EXOC4: variants seen among roughly 807,000 people sequenced by gnomAD.
The protein encoded by EXOC4 is SEC8-like 1.
EXOC4 carries 71 observed loss-of-function variants against 107.2 expected under a neutral mutation model. That is an observed-to-expected ratio of 0.66 (90% CI 0.55 to 0.81). EXOC4 has a LOEUF of 0.81. EXOC4 is among the 30% of genes least tolerant of loss of function. The pLI is 0.00. For missense variants in EXOC4, 1,108 were observed against 1,189.6 expected (o/e 0.93, Z 1.01); for synonymous variants, 456 against 441.2 (o/e 1.03, Z -0.42).
chr7:133,710,659 CAGAAA>C (rs1794871238), intron 10 of EXOC4, among the ~76,000 whole-genome samples: 2 of 32,304 alleles, frequency 6.2e-5, no homozygotes, highest in Non-Finnish European at 7.1e-5. Flanking sequence ...GACTCTGTCT[CAGAAA>C]AAAAAAAAAA....
At position 134,064,397 on chromosome 7, in the gene EXOC4, C is replaced by A; in HGVS notation, c.2794C>A (p.Leu932Met). 1 of 1,606,052 alleles carries A rather than the reference C, an allele frequency of 6.2e-7. No individual in the cohort carries two copies. ...GGAGTACATCCACGCTCTGACCCTG[C>A]TGCACCGCAGCCAGACTGGGGTGGG... ...ELEYIHALTL[L>M]HRSQTGVGEL... The change falls in exon 18 of 18, where the codon CTG (leucine) becomes ATG (methionine). Residue 932 changes from leucine (L) to methionine (M), a missense_variant. Coordinates refer to ENST00000253861, the MANE Select transcript of EXOC4 (RefSeq NM_021807.4).
chr7:133,884,075 A>C (rs1799025413), intron 11 of EXOC4, among the ~76,000 whole-genome samples: 1 of 152,240 alleles, frequency 6.6e-6, no homozygotes, highest in African/African-American at 2.4e-5. Context: ...CAATAAACAA[A>C]ACCATTATTG....
At chr7:133,461,660 A>G (rs534391841) in intron 7 of EXOC4, among the ~76,000 whole-genome samples, 1 of 152,320 alleles carries the variant, frequency 6.6e-6, no homozygotes, top group South Asian at 2.1e-4. Flanking sequence ...GCAGAAATGT[A>G]ATAAATGGTA....
At chr7:133,832,606 C>G (rs939856860) in intron 11 of EXOC4, among the ~76,000 whole-genome samples, 5 of 152,212 alleles carry the variant, frequency 3.3e-5, no homozygotes, top group African/African-American at 1.2e-4. Context: ...GCTTAAGATT[C>G]ATTCATGGCT....
chr7:134,049,957 T>C (rs1795745720), intron 17 of EXOC4, among the ~76,000 whole-genome samples: 1 of 152,166 alleles, frequency 6.6e-6, no homozygotes, highest in African/African-American at 2.4e-5. Context: ...ATCCACACAA[T>C]TGAGTACTCT....
intron 10 of EXOC4, among the ~76,000 whole-genome samples, chr7:133,739,530 C>T (rs1297281346): frequency 6.6e-6 from 1 of 152,146 alleles, no homozygotes; most frequent in Non-Finnish European, 1.5e-5. Flanking sequence ...GCTAGAGAAA[C>T]ACTTGGCTTA....
At chr7:133,755,264 T>TA (rs1491287737) in intron 10 of EXOC4, among the ~76,000 whole-genome samples, 1 of 94,254 alleles carries the variant, frequency 1.1e-5, no homozygotes, top group Non-Finnish European at 2.0e-5. Context: ...TATATATATA[T>TA]TATATATATT....
chr7:133,759,222 G>C (rs906907323), intron 10 of EXOC4, among the ~76,000 whole-genome samples: 11 of 150,662 alleles, frequency 7.3e-5, no homozygotes, highest in Admixed American at 4.0e-4. Context: ...GCTTCAAGCA[G>C]TCCTCCTGCT....
intron 10 of EXOC4, among the ~76,000 whole-genome samples, chr7:133,688,015 T>C (rs997777444): frequency 1.3e-5 from 2 of 152,184 alleles, no homozygotes; most frequent in Non-Finnish European, 2.9e-5. Flanking sequence ...AGAGAACATC[T>C]ATATTTGCCT....
At chr7:133,842,495 T>A (rs1173588688) in intron 11 of EXOC4, among the ~76,000 whole-genome samples, 1 of 152,192 alleles carries the variant, frequency 6.6e-6, no homozygotes, top group Non-Finnish European at 1.5e-5. Flanking sequence ...CTTAATGGGG[T>A]TGATTATTGC....
chr7:134,024,728 C>T (rs1378401130), intron 17 of EXOC4, among the ~76,000 whole-genome samples: 1 of 152,176 alleles, frequency 6.6e-6, no homozygotes, highest in Non-Finnish European at 1.5e-5. Flanking sequence ...TGGGGGACAA[C>T]CTCAGCTTCG....
chr7:134,094,523 T>A, the EXOC4 span, among the ~76,000 whole-genome samples: 1 of 151,966 alleles, frequency 6.6e-6, no homozygotes, highest in Non-Finnish European at 1.5e-5. Flanking sequence ...GACACTATTT[T>A]AAAAAATCGA....
chr7:133,403,278 A>G (rs929825684), intron 7 of EXOC4, among the ~76,000 whole-genome samples: 1 of 152,224 alleles, frequency 6.6e-6, no homozygotes, highest in African/African-American at 2.4e-5. Flanking sequence ...CCTGCTATCC[A>G]TAAGCATTTG....
In EXOC4 at chr7:133,869,625, T is replaced by G. The variant is rs568093816; in HGVS notation, c.1735-25974T>G. Among the ~76,000 whole-genome samples, 9 of 152,342 alleles carry G rather than the reference T, an allele frequency of 5.9e-5. No homozygotes were observed. The East Asian group carries it at 1.5e-3, about 26-fold the overall frequency. On this transcript the variant is annotated intron_variant, in intron 11 of 17. Transcript: ENST00000253861. ...AAAAGAATTTGGTAGAAGTTCTTCATTAGACTTACTCTATTTGTATCCAGC... is the reference window on the plus strand; with the variant it reads ...AAAAGAATTTGGTAGAAGTTCTTCAGTAGACTTACTCTATTTGTATCCAGC...
chr7:134,051,260 G>A (rs1024739456), intron 17 of EXOC4, among the ~76,000 whole-genome samples: 6 of 152,212 alleles, frequency 3.9e-5, no homozygotes, highest in African/African-American at 1.2e-4. Context: ...CAGAAGCAGA[G>A]AGAGAAGAAT....
chr7:133,324,425 G>C (rs1211182473), intron 5 of EXOC4, among the ~76,000 whole-genome samples: 1 of 152,082 alleles, frequency 6.6e-6, no homozygotes, highest in Non-Finnish European at 1.5e-5. Context: ...TGTTCTCATT[G>C]GTTTCGAAGA....
At chr7:133,935,544 G>A (rs1019762643) in intron 13 of EXOC4, among the ~76,000 whole-genome samples, 1 of 152,092 alleles carries the variant, frequency 6.6e-6, no homozygotes, top group Non-Finnish European at 1.5e-5. Context: ...GCTGTGGTTG[G>A]TATTTGTAAA....
At chr7:133,807,273 A>C (rs576964298) in intron 10 of EXOC4, among the ~76,000 whole-genome samples, 85 of 152,286 alleles carry the variant, frequency 5.6e-4, no homozygotes, top group Admixed American at 1.6e-3. Context: ...TAAAATGGAG[A>C]TAGTAAAAGC....
At chr7:133,275,976 C>T (rs1793980872) in intron 2 of EXOC4, among the ~76,000 whole-genome samples, 1 of 151,924 alleles carries the variant, frequency 6.6e-6, no homozygotes, top group Non-Finnish European at 1.5e-5. Context: ...TGGCAAAAAA[C>T]CAAAATTCTT....
Sources: gnomAD v4.1 joint callset for allele counts (sites outside exome capture counted in the v4.1 genomes callset) on GRCh38, gnomAD v4.1.1 for gene constraint, MANE v1.5 for transcripts, NCBI Gene and HGNC (gene_info 2026-07-23, HGNC 2026-07-21) for gene names.